RASAL2: variants seen among roughly 807,000 people sequenced by gnomAD.
RASAL2 encodes RAS protein activator like 2, also known as ras GTPase-activating protein nGAP.
In RASAL2, 58 loss-of-function variants were observed where a neutral mutation model predicts 128.9. The observed-to-expected ratio is 0.45, with a 90% CI of 0.36 to 0.56. The LOEUF is 0.56. Among genes scored for constraint, RASAL2 ranks in the 20% least tolerant of loss-of-function variants. The pLI is 0.00. For synonymous variants in RASAL2, 561 were observed against 580.8 expected (o/e 0.97, Z 0.49); for missense variants, 1,360 against 1,601.6 (o/e 0.85, Z 2.57).
intron 3 of RASAL2, among the ~76,000 whole-genome samples, chr1:178,380,061 A>G (rs746730222): frequency 6.6e-6 from 1 of 151,994 alleles, no homozygotes; most frequent in Admixed American, 6.5e-5. Flanking sequence ...TAATTTTTGT[A>G]TTTTTTGTAG....
At chr1:178,205,249 C>T (rs888323403) in intron 1 of RASAL2, among the ~76,000 whole-genome samples, 1 of 151,974 alleles carries the variant, frequency 6.6e-6, no homozygotes, top group Non-Finnish European at 1.5e-5. Flanking sequence ...AGGTGATTTG[C>T]CTGCCTTGGC....
At chr1:178,377,307 C>T (rs1672043039) in intron 3 of RASAL2, among the ~76,000 whole-genome samples, 1 of 151,842 alleles carries the variant, frequency 6.6e-6, no homozygotes. Flanking sequence ...GACTAGATAA[C>T]CTCAAAAATA....
rs114801496 is a variant in RASAL2, at chr1:178,158,635, C to A, written c.202+63941C>A. Among the ~76,000 whole-genome samples, 663 of 152,326 alleles carry A rather than the reference C, an allele frequency of 4.4e-3. 4 individuals are homozygous for A. The highest frequency in any genetic ancestry group is 0.013 in the African/African-American group (535 of 41,586). On this transcript the variant is annotated intron_variant, in intron 1 of 17. Coordinates refer to ENST00000367649, the MANE Select transcript of RASAL2 (RefSeq NM_170692.4). Reference sequence around the variant, plus strand: ...AAGTACTCCATAAATGGTAGTGATTCTTATTGTAGACAAAGCTAATAGAAG... The same window carrying A: ...AAGTACTCCATAAATGGTAGTGATTATTATTGTAGACAAAGCTAATAGAAG...
chr1:178,204,935 A>G (rs532562938), intron 1 of RASAL2, among the ~76,000 whole-genome samples: 25 of 152,236 alleles, frequency 1.6e-4, no homozygotes, highest in Non-Finnish European at 3.1e-4. Flanking sequence ...CCATATATCC[A>G]TCATAAAAAA....
At chr1:178,335,294 G>T (rs1669533545) in intron 3 of RASAL2, among the ~76,000 whole-genome samples, 1 of 152,058 alleles carries the variant, frequency 6.6e-6, no homozygotes, top group Non-Finnish European at 1.5e-5. Flanking sequence ...CTATATATTT[G>T]TAATACTGGT....
intron 2 of RASAL2, among the ~76,000 whole-genome samples, chr1:178,297,176 T>C (rs887210657): frequency 6.6e-6 from 1 of 152,102 alleles, no homozygotes; most frequent in Non-Finnish European, 1.5e-5. Context: ...CTGGAGAAAA[T>C]TGCTCATGTA....
At chr1:178,471,360 A>G (rs1227826186) in intron 17 of RASAL2, among the ~76,000 whole-genome samples, 1 of 152,126 alleles carries the variant, frequency 6.6e-6, no homozygotes, top group Non-Finnish European at 1.5e-5. Context: ...TCAAAGATCT[A>G]TATTTGTTAT....
chr1:178,302,812 T>G (rs780657837), intron 3 of RASAL2, among the ~76,000 whole-genome samples: 1 of 151,918 alleles, frequency 6.6e-6, no homozygotes, highest in Non-Finnish European at 1.5e-5. Context: ...GAGGCCAAGG[T>G]GGGAAGATCA....
rs78424111 is a variant in RASAL2, at chr1:178,391,712, T to C, written c.564+1506T>C. Reference sequence around the variant, plus strand: ...TTGAGATATTTAACTTAGAGTTGTTTATGCAATATCTGAATTTAGGATAGC... The same window carrying C: ...TTGAGATATTTAACTTAGAGTTGTTCATGCAATATCTGAATTTAGGATAGC... On this transcript the variant is annotated intron_variant, in intron 4 of 17. Coordinates refer to ENST00000367649, the MANE Select transcript of RASAL2 (RefSeq NM_170692.4). Among the ~76,000 whole-genome samples the C allele has an allele frequency of 1.2e-4, 19 of 152,296 alleles. No individual in the cohort carries two copies. In the East Asian group the frequency reaches 3.7e-3, roughly 29 times the overall value.
In RASAL2 at chr1:178,371,347, C is replaced by CAAAT. The variant is rs1341652963; in HGVS notation, c.458-18752_458-18751insAATA. ...CCACACACACACACACACACACACA[C>CAAAT]ACACAAATACACACACACACACACA... On this transcript the variant is annotated intron_variant, in intron 3 of 17. Transcript: ENST00000367649. 3.6e-3 allele frequency among the ~76,000 whole-genome samples: 517 copies of CAAAT among 145,538 alleles called. 4 individuals are homozygous for CAAAT. Among genetic ancestry groups the CAAAT allele is most frequent in the African/African-American group, 0.013 (494 of 36,886 alleles).
intron 4 of RASAL2, among the ~76,000 whole-genome samples, chr1:178,415,773 AT>A (rs1674712866): frequency 6.6e-6 from 1 of 152,202 alleles, no homozygotes; most frequent in African/African-American, 2.4e-5. Flanking sequence ...TTAAGGCTGT[AT>A]TCTTGGAAAA....
chr1:178,467,193 A>G (rs1647811789), intron 16 of RASAL2, 141 bp from the exon 17 acceptor site: 6 of 659,110 alleles, frequency 9.1e-6, no homozygotes, highest in Non-Finnish European at 1.6e-5. Flanking sequence ...TAGATGTCTT[A>G]TTCCAAGGTA....
At chr1:178,163,025 C>A (rs566063614) in intron 1 of RASAL2, among the ~76,000 whole-genome samples, 1 of 152,090 alleles carries the variant, frequency 6.6e-6, no homozygotes, top group African/African-American at 2.4e-5. Context: ...GGCTGGAGTG[C>A]GGTGGTGTGA....
At chr1:178,289,961 A>C (rs1667203181) in intron 2 of RASAL2, among the ~76,000 whole-genome samples, 1 of 152,096 alleles carries the variant, frequency 6.6e-6, no homozygotes, top group African/African-American at 2.4e-5. Flanking sequence ...CTTTGCTTAC[A>C]TACCACATAC....
In RASAL2 at chr1:178,474,285, A is replaced by G. The variant is rs1160892155; in HGVS notation, c.*1046A>G. Reference sequence around the variant, plus strand: ...ATATTTCCTATTAAAAATTTTTTCTATGTGTTGTTATAATTTTTGTTTGGG... The same window carrying G: ...ATATTTCCTATTAAAAATTTTTTCTGTGTGTTGTTATAATTTTTGTTTGGG... On this transcript the variant is annotated 3_prime_UTR_variant, in exon 18 of 18. Transcript: ENST00000367649. 1 of 152,544 alleles carries G rather than the reference A, an allele frequency of 6.6e-6. No homozygotes were observed. The highest frequency in any genetic ancestry group is 1.9e-4 in the East Asian group (1 of 5,198). The allele number at this position is 152,544 out of a possible 1,614,324, so 9.4% of individuals were successfully genotyped here. A position where few individuals can be genotyped will look rare whatever the true frequency, so the allele number is the denominator to read the frequency against.
At chr1:178,385,918 A>G (rs1374202426) in intron 3 of RASAL2, among the ~76,000 whole-genome samples, 1 of 152,180 alleles carries the variant, frequency 6.6e-6, no homozygotes, top group African/African-American at 2.4e-5. Context: ...TCACCTTTGC[A>G]GTGCAACTAC....
At chr1:178,224,463 T>C (rs1182683812) in intron 1 of RASAL2, among the ~76,000 whole-genome samples, 2 of 152,160 alleles carry the variant, frequency 1.3e-5, no homozygotes, top group South Asian at 2.1e-4. Context: ...AAGTGTTTCA[T>C]TGGGAAGCAT....
intron 3 of RASAL2, chr1:178,341,610 T>C (rs765995323): frequency 1.2e-6 from 2 of 1,613,884 alleles, no homozygotes; most frequent in East Asian, 2.2e-5. Flanking sequence ...AGACCCCAGG[T>C]AAGAGTTTGT....
chr1:178,437,475 C>T (rs913210766), intron 5 of RASAL2, among the ~76,000 whole-genome samples: 5 of 151,978 alleles, frequency 3.3e-5, no homozygotes, highest in East Asian at 1.9e-4. Flanking sequence ...TGTAGGTAGA[C>T]GTTTATTTTG....
Sources: allele counts gnomAD v4.1 joint callset (sites outside exome capture counted in the v4.1 genomes callset), GRCh38; gene constraint gnomAD v4.1.1; transcripts MANE v1.5; gene names NCBI Gene and HGNC (gene_info 2026-07-23, HGNC 2026-07-21).